P3H1: variants seen among roughly 807,000 people sequenced by gnomAD.
P3H1 encodes prolyl 3-hydroxylase 1.
In P3H1, 69 loss-of-function variants were observed where a neutral mutation model predicts 84.0. That is an observed-to-expected ratio of 0.82 (90% CI 0.68 to 1.00). P3H1 has a LOEUF of 1.00. Ranked by LOEUF, P3H1 falls within the 50% of genes least tolerant of loss-of-function variation. The pLI is 0.00. For missense variants in P3H1, 878 were observed against 962.8 expected, an observed-to-expected ratio of 0.91 and a Z score of 1.17; for synonymous variants, 366 against 388.8, an observed-to-expected ratio of 0.94 and a Z score of 0.69.
chr1:42,762,300 GA>G (rs1557576271), intron 2 of P3H1, 22 bp downstream of exon 2: 1 of 1,610,788 alleles, frequency 6.2e-7, no homozygotes, highest in South Asian at 1.1e-5. Flanking sequence ...AAGAAAGAAA[GA>G]AGGGGATAAA....
chr1:42,751,923 A>G (rs1652117233), intron 10 of P3H1: 2 of 354,856 alleles, frequency 5.6e-6, no homozygotes, highest in South Asian at 4.7e-5. Flanking sequence ...CACGCCCAAT[A>G]CCCCTACTAT....
chr1:42,764,300 T>C (rs1652876793), intron 1 of P3H1, among the ~76,000 whole-genome samples: 1 of 151,568 alleles, frequency 6.6e-6, no homozygotes, highest in Non-Finnish European at 1.5e-5. Flanking sequence ...CACGTGCCTG[T>C]AATCCCAGCT....
chr1:42,757,905 C>G lies in P3H1; in HGVS notation c.958G>C (p.Ala320Pro). The G allele has an allele frequency of 6.2e-7, 1 of 1,614,158 alleles. No individual in the cohort carries two copies. The highest frequency in any genetic ancestry group is 8.5e-7 in the Non-Finnish European group (1 of 1,180,014). The change falls in exon 5 of 15, where the codon GCT becomes CCT. Residue 320 changes from alanine to proline, a missense_variant. Physicochemically the swap from Ala to Pro is conservative, Grantham distance 27. Transcript: ENST00000296388. ...AGATAGGTCTTGGCACATTCAACAGCCTGTGTATAATTCCCAACTGCAAAG... is the reference window on the plus strand; with the variant it reads ...AGATAGGTCTTGGCACATTCAACAGGCTGTGTATAATTCCCAACTGCAAAG... The part of the protein sequence containing the change: ...AYYNIGNYTQ[A>P]VECAKTYLLF...
At chr1:42,748,864 G>A (rs780290218) in intron 11 of P3H1, 27 of 207,270 alleles carry the variant, frequency 1.3e-4, no homozygotes, top group Non-Finnish European at 1.7e-4. Context: ...GGCAGACCAC[G>A]TCTTTCCCCA....
intron 10 of P3H1, among the ~76,000 whole-genome samples, chr1:42,750,925 GC>G (rs1213676076): frequency 7.6e-6 from 1 of 132,002 alleles, no homozygotes; most frequent in Non-Finnish European, 1.7e-5. Context: ...CTGGCCAGCC[GC>G]CCCGTCCGGG....
At chr1:42,750,391 G>C in intron 10 of P3H1, 55 bp from the exon 11 acceptor site, 1 of 1,600,504 alleles carries the variant, frequency 6.2e-7, no homozygotes, top group Non-Finnish European at 8.5e-7. Flanking sequence ...GTTTGGCTCT[G>C]TGTCCCTACC....
Position 42,755,588 on chromosome 1 carries a change from A to G in P3H1, c.1130T>C (p.Phe377Ser). 6.2e-7 allele frequency: 1 copy of G among 1,614,194 alleles called. No homozygotes were observed. The highest frequency in any genetic ancestry group is 1.1e-5 in the South Asian group (1 of 91,082). ...QRSLLEKELL[F>S]FAYDVFGIPF... The stretch of plus-strand genomic sequence containing the variant: ...AATTCCAAAAACATCATAAGCGAAG[A>G]AAAGCAGTTCTTTTTCCAGTAGGCT... The change falls in exon 6 of 15, where the codon TTC becomes TCC. Residue 377 changes from phenylalanine (F) to serine (S), a missense_variant. Coordinates refer to ENST00000296388, the MANE Select transcript of P3H1 (RefSeq NM_022356.4).
chr1:42,751,957 T>G, intron 10 of P3H1: 1 of 400,388 alleles, frequency 2.5e-6, no homozygotes, highest in East Asian at 5.7e-5. Flanking sequence ...CTGTCCTTCT[T>G]ATCTCTCTTT....
intron 4 of P3H1, among the ~76,000 whole-genome samples, chr1:42,758,419 T>C (rs1424657986): frequency 2.0e-5 from 3 of 152,226 alleles, no homozygotes; most frequent in African/African-American, 7.2e-5. Flanking sequence ...CTCATCAATA[T>C]GTTTGTAATG....
At chr1:42,762,046 C>T (rs1381003871) in intron 2 of P3H1, 2 of 359,822 alleles carry the variant, frequency 5.6e-6, no homozygotes, top group Admixed American at 4.3e-5. Context: ...TACTTACCTA[C>T]ATTTCTACAA....
chr1:42,746,774 C>A lies in P3H1; in HGVS notation c.2134G>T (p.Asp712Tyr). The A allele has an allele frequency of 6.4e-7, 1 of 1,563,838 alleles. No individual in the cohort carries two copies. The highest frequency in any genetic ancestry group is 8.7e-7 in the Non-Finnish European group (1 of 1,153,934). ...GGTTCGGGGGGGCCCTGCTGGGCAT[C>A]CAGGGGCTGCTCCTGGGAGAGGTCC... ...EMDLSQEQPL[D>Y]AQQGPPEPAQ... Residue 712 changes from aspartate to tyrosine, a missense_variant, in exon 15 of 15, where the codon GAT (aspartate) becomes TAT (tyrosine). Physicochemically the swap from Asp to Tyr is radical, Grantham distance 160. Transcript: ENST00000296388.
chr1:42,750,652 G>GT (rs1361073713), intron 10 of P3H1, among the ~76,000 whole-genome samples: 7 of 130,306 alleles, frequency 5.4e-5, no homozygotes, highest in Admixed American at 4.3e-4. Flanking sequence ...AGGGAGGCCG[G>GT]GGGGGGTGGT....
At chr1:42,747,501 C>T in intron 13 of P3H1, 89 bp from the exon 14 acceptor site, 1 of 1,327,582 alleles carries the variant, frequency 7.5e-7, no homozygotes, top group Non-Finnish European at 1.1e-6. Flanking sequence ...GGGCTCACGA[C>T]CGAGGGCAGC....
At chr1:42,750,630 A>C (rs1451483017) in intron 10 of P3H1, among the ~76,000 whole-genome samples, 73 of 41,744 alleles carry the variant, frequency 1.7e-3, no homozygotes, top group South Asian at 3.4e-3. Flanking sequence ...CCGGCCAGCC[A>C]CCCCGTCCGG....
At chr1:42,764,224 C>A (rs1382438184) in intron 1 of P3H1, among the ~76,000 whole-genome samples, 1 of 151,986 alleles carries the variant, frequency 6.6e-6, no homozygotes, top group Non-Finnish European at 1.5e-5. Context: ...GAGATCCAGA[C>A]CATCCTGGCC....
In P3H1 at chr1:42,757,788, G is replaced by A. The variant is rs548639069; in HGVS notation, c.1075C>T (p.Arg359Cys). ...AACAGAAGGAAGTCTCTCACCTCAC[G>A]GGGGCCGATGGATCTGGTGTGTTCT... The part of the protein sequence containing the change: ...GEEHTRSIGP[R>C]ESAKEYRQRS... The change falls in exon 5 of 15, where the codon CGT becomes TGT. Residue 359 changes from arginine to cysteine, a missense_variant. By Grantham distance (180) the Arg-to-Cys change is radical (BLOSUM62 -3). Transcript: ENST00000296388. The A allele has an allele frequency of 8.7e-6, 14 of 1,614,168 alleles. No homozygotes were observed. Among genetic ancestry groups the A allele is most frequent in the South Asian group, 6.6e-5 (6 of 91,082 alleles).
chr1:42,761,351 A>C (rs995872672), intron 2 of P3H1: 1 of 152,246 alleles, frequency 6.6e-6, no homozygotes, highest in African/African-American at 2.4e-5. Context: ...ATAAAATGCT[A>C]TATCATCACA....
chr1:42,750,716 C>T (rs546167972), intron 10 of P3H1, among the ~76,000 whole-genome samples: 4 of 119,944 alleles, frequency 3.3e-5, no homozygotes, highest in Non-Finnish European at 5.1e-5. Context: ...CCCGCCCGGC[C>T]GGCCGCCCTG....
In P3H1 at chr1:42,752,288, A is replaced by G; in HGVS notation, c.1555T>C (p.Phe519Leu). 1 of 1,613,668 alleles carries G rather than the reference A, an allele frequency of 6.2e-7. No homozygotes were observed. The highest frequency in any genetic ancestry group is 8.5e-7 in the Non-Finnish European group (1 of 1,179,708). Residue 519 changes from phenylalanine to leucine, a missense_variant, in exon 10 of 15, where the codon TTC becomes CTC. Phe to Leu is a conservative substitution (Grantham distance 22). Transcript: ENST00000296388. The stretch of plus-strand genomic sequence containing the variant: ...GTTGATCTTACCTTGAGGGCTTTGA[A>G]GACAGTGACACCATAGAACTTTTCA... The part of the protein sequence containing the change: ...PNEKFYGVTV[F>L]KALKLGQEGK...
Sources: gnomAD v4.1 joint callset for allele counts (sites outside exome capture counted in the v4.1 genomes callset) on GRCh38, gnomAD v4.1.1 for gene constraint, MANE v1.5 for transcripts, NCBI Gene and HGNC (gene_info 2026-07-23, HGNC 2026-07-21) for gene names.